The following RYR2 variants were observed in gnomAD, a reference collection of about 807,000 sequenced individuals.
RYR2 encodes cardiac muscle ryanodine receptor-calcium release channel.
Under a neutral mutation model 601.1 loss-of-function variants are expected in RYR2, and 227 were observed. The ratio of observed to expected loss-of-function variants is 0.38; its 90% confidence interval spans 0.34 to 0.42. The LOEUF (loss-of-function observed/expected upper bound fraction) is 0.42. Ranked by LOEUF, RYR2 falls within the 10% of genes least tolerant of loss-of-function variation. The pLI is 1.00. For missense variants in RYR2, 4,646 were observed against 6,156.5 expected (o/e 0.75, Z 8.21); for synonymous variants, 2,223 against 2,175.1 (o/e 1.02, Z -0.61).
intron 1 of RYR2, among the ~76,000 whole-genome samples, chr1:237,270,156 T>G (rs1217145200): frequency 2.0e-5 from 3 of 152,192 alleles, no homozygotes; most frequent in African/African-American, 7.2e-5. Flanking sequence ...TCTTGTTAAT[T>G]TTGATGACTA....
intron 46 of RYR2, among the ~76,000 whole-genome samples, chr1:237,640,068 C>T (rs774039035): frequency 1.3e-5 from 2 of 152,000 alleles, no homozygotes; most frequent in Non-Finnish European, 2.9e-5. Flanking sequence ...ATGAAGGAAC[C>T]AGGGAGCTCT....
At chr1:237,631,048 ATACT>A (rs1188459735) in intron 41 of RYR2, among the ~76,000 whole-genome samples, 1 of 152,184 alleles carries the variant, frequency 6.6e-6, no homozygotes, top group Non-Finnish European at 1.5e-5. Context: ...AAAAGCAGAG[ATACT>A]TATATATGAA....
intron 9 of RYR2, 105 bp downstream of exon 9, chr1:237,387,485 T>C: frequency 1.0e-6 from 1 of 986,548 alleles, no homozygotes; most frequent in South Asian, 1.5e-5. Flanking sequence ...TTTTTGTCTG[T>C]GTCTAAATAT....
At chr1:237,688,628 T>C (rs1385914426) in intron 63 of RYR2, among the ~76,000 whole-genome samples, 2 of 152,172 alleles carry the variant, frequency 1.3e-5, no homozygotes, top group East Asian at 3.9e-4. Context: ...TTAAAATCAA[T>C]GGGGCAGTTA....
rs540459479 is a variant in RYR2 at position 237,593,369 on chromosome 1, G to A, written c.4276-107G>A. 1.2e-4 allele frequency: 141 copies of A among 1,130,144 alleles called. No individual in the cohort carries two copies. In the Middle Eastern group the frequency reaches 1.9e-3, roughly 15 times the overall value. The allele number at this position is 1,130,144 out of a possible 1,614,324, so 70.0% of individuals were successfully genotyped here. ...CACCCAAACGGTTTTAAACCAAGAA[G>A]TGAATTCTTAAGTCATTCACAGACT... On this transcript the variant is annotated intron_variant, in intron 32 of 104. Coordinates refer to ENST00000366574, the MANE Select transcript of RYR2 (RefSeq NM_001035.3).
intron 21 of RYR2, among the ~76,000 whole-genome samples, chr1:237,502,524 C>T (rs939617583): frequency 3.4e-4 from 52 of 152,208 alleles, no homozygotes; most frequent in African/African-American, 1.3e-3. Context: ...TGAAACTGTT[C>T]CAGCTCAGAT....
intron 29 of RYR2, among the ~76,000 whole-genome samples, chr1:237,582,786 G>A (rs1674070984): frequency 1.3e-5 from 2 of 152,106 alleles, no homozygotes; most frequent in Non-Finnish European, 2.9e-5. Flanking sequence ...TGATGTATGT[G>A]TACCACATTT....
intron 1 of RYR2, among the ~76,000 whole-genome samples, chr1:237,178,416 CTGTGTGTGTGTGTGTGTGTGTGTGTGTG>C (rs201867544): frequency 4.6e-5 from 6 of 129,788 alleles, no homozygotes; most frequent in East Asian, 2.3e-4. Flanking sequence ...AGTTAAGGCT[CTGTGTGTGTGTGTGTGTGTGTGTGTGTG>C]TGTGTGTGTG....
intron 12 of RYR2, among the ~76,000 whole-genome samples, chr1:237,435,971 T>TA (rs1287339618): frequency 2.6e-5 from 4 of 152,148 alleles, no homozygotes; most frequent in Admixed American, 2.6e-4. Flanking sequence ...CTGGAATCCT[T>TA]AGGCATGGGC....
At chr1:237,563,618 A>C (rs2148218713) in intron 27 of RYR2, among the ~76,000 whole-genome samples, 1 of 152,180 alleles carries the variant, frequency 6.6e-6, no homozygotes, top group South Asian at 2.1e-4. Flanking sequence ...GAAACTCTGC[A>C]TTGTTTCTAC....
intron 37 of RYR2, among the ~76,000 whole-genome samples, chr1:237,616,358 G>A (rs1445777508): frequency 3.9e-5 from 6 of 152,022 alleles, no homozygotes; most frequent in Admixed American, 3.9e-4. Context: ...AATCCTTTTG[G>A]TTTTCAGTAG....
intron 58 of RYR2, among the ~76,000 whole-genome samples, chr1:237,671,821 G>C (rs1684973079): frequency 6.6e-6 from 1 of 152,154 alleles, no homozygotes; most frequent in South Asian, 2.1e-4. Flanking sequence ...CAAAAAGTAT[G>C]ATTAGTGCCC....
chr1:237,152,615 CT>C (rs1674851269), intron 1 of RYR2, among the ~76,000 whole-genome samples: 1 of 152,112 alleles, frequency 6.6e-6, no homozygotes, highest in South Asian at 2.1e-4. Flanking sequence ...TGATGTTGAG[CT>C]TTTTTTCACG....
chr1:237,213,122 T>TAA, intron 1 of RYR2, among the ~76,000 whole-genome samples: 3 of 152,088 alleles, frequency 2.0e-5, no homozygotes, highest in South Asian at 2.1e-4. Flanking sequence ...GTAGTTTTTT[T>TAA]AAAAAAAGCA....
At chr1:237,747,672 A>G (rs1350607118) in intron 80 of RYR2, among the ~76,000 whole-genome samples, 1 of 152,218 alleles carries the variant, frequency 6.6e-6, no homozygotes, top group African/African-American at 2.4e-5. Context: ...CCATGGCTAC[A>G]TAATTTGAAC....
At chr1:237,278,464 T>C (rs1174664865) in intron 2 of RYR2, among the ~76,000 whole-genome samples, 1 of 152,012 alleles carries the variant, frequency 6.6e-6, no homozygotes, top group African/African-American at 2.4e-5. Context: ...GAAAAGAATA[T>C]GTGCTCAGTC....
chr1:237,266,627 C>G (rs763557219), intron 1 of RYR2, among the ~76,000 whole-genome samples: 1 of 152,150 alleles, frequency 6.6e-6, no homozygotes, highest in Non-Finnish European at 1.5e-5. Context: ...GTATATTTTA[C>G]TTTCTGTCCA....
At chr1:237,446,468 A>G (rs1708346258) in intron 14 of RYR2, among the ~76,000 whole-genome samples, 1 of 152,134 alleles carries the variant, frequency 6.6e-6, no homozygotes. Flanking sequence ...TCCTGTCATC[A>G]TAAGTTGCAA....
chr1:237,493,269 A>T (rs1558913488), intron 19 of RYR2, among the ~76,000 whole-genome samples, 182 bp downstream of exon 19: 1 of 152,114 alleles, frequency 6.6e-6, no homozygotes, highest in African/African-American at 2.4e-5. Flanking sequence ...TAATAAATGA[A>T]CCTAGCAAAA....
Sources: gnomAD v4.1 joint callset for allele counts (sites outside exome capture counted in the v4.1 genomes callset) on GRCh38, gnomAD v4.1.1 for gene constraint, MANE v1.5 for transcripts, NCBI Gene and HGNC (gene_info 2026-07-23, HGNC 2026-07-21) for gene names.